The following TMEM132B variants were observed in gnomAD, a reference collection of about 807,000 sequenced individuals.
The protein encoded by TMEM132B is transmembrane protein 132B.
A neutral mutation model predicts 90.8 loss-of-function variants in TMEM132B; 18 were observed. That is an observed-to-expected ratio of 0.20 (90% CI 0.14 to 0.29). The LOEUF is 0.29. Among genes scored for constraint, TMEM132B ranks in the 10% least tolerant of loss-of-function variants. The pLI is 1.00. For synonymous variants in TMEM132B, 504 were observed against 523.3 expected (o/e 0.96, Z 0.50); for missense variants, 1,096 against 1,326.8 (o/e 0.83, Z 2.70).
At chr12:125,581,550 G>A (rs1056400010) in intron 4 of TMEM132B, among the ~76,000 whole-genome samples, 2 of 152,114 alleles carry the variant, frequency 1.3e-5, no homozygotes, top group Non-Finnish European at 2.9e-5. Context: ...AAGTCTGACT[G>A]GGTGTTCTGG....
intron 1 of TMEM132B, among the ~76,000 whole-genome samples, chr12:125,280,828 T>G (rs1875146736): frequency 6.6e-6 from 1 of 152,126 alleles, no homozygotes; most frequent in African/African-American, 2.4e-5. Flanking sequence ...TTTCCCTGAC[T>G]CCAGACTTTG....
At chr12:125,300,028 G>A (rs192687650) in intron 1 of TMEM132B, among the ~76,000 whole-genome samples, 23 of 152,314 alleles carry the variant, frequency 1.5e-4, no homozygotes, top group South Asian at 4.1e-4. Context: ...CCTCCCATGC[G>A]CCCTGCGTGG....
Position 125,657,351 on chromosome 12 carries a change from G to T in TMEM132B, c.*2641G>T, listed in dbSNP as rs2137065801. 6.6e-6 allele frequency: 1 copy of T among 152,142 alleles called. No homozygotes were observed. Among genetic ancestry groups the T allele is most frequent in the South Asian group, 2.1e-4 (1 of 4,806 alleles). The allele number at this position is 152,142 out of a possible 1,614,324, so 9.4% of individuals were successfully genotyped here. On this transcript the variant is annotated 3_prime_UTR_variant, in exon 9 of 9. Transcript: ENST00000682704. ...TACATATACCCGTGTGTGTGTGTGT[G>T]TGTGTGTGTGTGTGTGTGAATACTG...
intron 3 of TMEM132B, among the ~76,000 whole-genome samples, chr12:125,483,263 G>A (rs955071437): frequency 2.6e-5 from 4 of 152,010 alleles, no homozygotes; most frequent in African/African-American, 9.7e-5. Flanking sequence ...CATTAACAAT[G>A]AATAGTGAAA....
chr12:125,243,032 T>TACACACAC (rs765539161), intron 1 of TMEM132B, among the ~76,000 whole-genome samples: 1 of 135,030 alleles, frequency 7.4e-6, no homozygotes, highest in African/African-American at 2.8e-5. Context: ...TATATATATA[T>TACACACAC]ACACACACAC....
chr12:125,648,305 G>C (rs1886819221), intron 6 of TMEM132B, among the ~76,000 whole-genome samples: 1 of 151,890 alleles, frequency 6.6e-6, no homozygotes, highest in African/African-American at 2.4e-5. Context: ...GTCTATCATT[G>C]TTGGACATTT....
At chr12:125,370,694 C>T (rs760386181) in intron 2 of TMEM132B, among the ~76,000 whole-genome samples, 1 of 152,182 alleles carries the variant, frequency 6.6e-6, no homozygotes, top group Admixed American at 6.5e-5. Context: ...TAGGCATGAG[C>T]TACCGCATCC....
intron 3 of TMEM132B, among the ~76,000 whole-genome samples, chr12:125,483,477 C>T (rs1449444860): frequency 6.6e-6 from 1 of 151,674 alleles, no homozygotes; most frequent in Admixed American, 6.6e-5. Flanking sequence ...TAGATAAAAG[C>T]AATTTGGTCT....
chr12:125,267,674 G>T (rs1360493650), intron 1 of TMEM132B, among the ~76,000 whole-genome samples: 2 of 152,220 alleles, frequency 1.3e-5, no homozygotes, highest in Middle Eastern at 3.4e-3. Context: ...GGGAGTGGTG[G>T]GGACTGTGGC....
Position 125,232,856 on chromosome 12 carries a change from T to A in TMEM132B, c.67+45990T>A, listed in dbSNP as rs375168132. Among the ~76,000 whole-genome samples, 8 of 152,370 alleles carry A rather than the reference T, an allele frequency of 5.3e-5. No homozygotes were observed. In the East Asian group the frequency reaches 1.2e-3, roughly 22 times the overall value. On this transcript the variant is annotated intron_variant, in intron 1 of 8. Coordinates refer to ENST00000682704, the MANE Select transcript of TMEM132B (RefSeq NM_001366854.1). ...TGGACTCTTCTAGCTAATAAGAAGA[T>A]CTTTCTGATGAAAGTTACTTTGGTA...
Position 125,381,670 on chromosome 12 carries a change from C to CTGTG in TMEM132B, c.959+31342_959+31345dup, listed in dbSNP as rs138043152. ...AGCAGTGCTTCACATGTGTCTACTA[C>CTGTG]TGTGTGTGTGTGTGTGTGAATGTAT... On this transcript the variant is annotated intron_variant, in intron 2 of 8. Transcript: ENST00000682704. Among the ~76,000 whole-genome samples, 248 of 150,128 alleles carry CTGTG rather than the reference C, an allele frequency of 1.7e-3. 1 individual carries two copies. The highest frequency in any genetic ancestry group is 5.8e-3 in the African/African-American group (237 of 41,114).
chr12:125,601,289 A>G (rs2136919761), intron 5 of TMEM132B, among the ~76,000 whole-genome samples: 1 of 152,384 alleles, frequency 6.6e-6, no homozygotes, highest in South Asian at 2.1e-4. Context: ...AAATCAAATT[A>G]GAACTAAGGA....
chr12:125,341,504 C>T (rs325091), intron 1 of TMEM132B, among the ~76,000 whole-genome samples: 123,485 of 152,106 alleles, frequency 0.81, 50,378 homozygotes, highest in East Asian at 1. Flanking sequence ...TTAAATATTT[C>T]ATCTTTTTTG....
chr12:125,306,978 G>A (rs556854342), intron 1 of TMEM132B, among the ~76,000 whole-genome samples: 1 of 152,356 alleles, frequency 6.6e-6, no homozygotes, highest in East Asian at 1.9e-4. Flanking sequence ...CTGCCACAGG[G>A]ACTTTGCACC....
chr12:125,440,105 C>T (rs1229561942), intron 3 of TMEM132B, among the ~76,000 whole-genome samples: 1 of 152,152 alleles, frequency 6.6e-6, no homozygotes, highest in African/African-American at 2.4e-5. Flanking sequence ...AAAATCCTTT[C>T]ATCAAGGATA....
chr12:125,208,580 A>G (rs1873239593), intron 1 of TMEM132B, among the ~76,000 whole-genome samples: 1 of 152,180 alleles, frequency 6.6e-6, no homozygotes, highest in South Asian at 2.1e-4. Context: ...TTCTCATAGC[A>G]TAACATTTCG....
intron 3 of TMEM132B, among the ~76,000 whole-genome samples, chr12:125,422,268 C>T (rs1173436841): frequency 6.6e-6 from 1 of 152,188 alleles, no homozygotes; most frequent in Non-Finnish European, 1.5e-5. Context: ...TAAATGATTT[C>T]CTGAGGTCTC....
chr12:125,530,001 C>G (rs1477900966), intron 4 of TMEM132B, among the ~76,000 whole-genome samples: 1 of 152,152 alleles, frequency 6.6e-6, no homozygotes, highest in Non-Finnish European at 1.5e-5. Context: ...CACACTCCAG[C>G]CTGGGCCGCA....
chr12:125,588,854 C>T (rs1367708731), intron 5 of TMEM132B, among the ~76,000 whole-genome samples: 1 of 151,994 alleles, frequency 6.6e-6, no homozygotes, highest in African/African-American at 2.4e-5. Flanking sequence ...CAGATGGTAA[C>T]CTTAAGTTAT....
Sources: gnomAD v4.1 joint callset for allele counts (sites outside exome capture counted in the v4.1 genomes callset) on GRCh38, gnomAD v4.1.1 for gene constraint, MANE v1.5 for transcripts, NCBI Gene and HGNC (gene_info 2026-07-23, HGNC 2026-07-21) for gene names.